The following JMJD1C variants were observed in gnomAD, a reference collection of about 807,000 sequenced individuals.
JMJD1C encodes jumonji domain-containing protein 1C.
A neutral mutation model predicts 245.3 loss-of-function variants in JMJD1C; 31 were observed. The observed-to-expected ratio is 0.13, with a 90% CI of 0.09 to 0.17. JMJD1C has a LOEUF of 0.17. JMJD1C is among the 10% of genes least tolerant of loss of function. The pLI, the probability that JMJD1C is intolerant of heterozygous loss-of-function variation, is 1.00. For synonymous variants in JMJD1C, 1,057 were observed against 1,017.4 expected, an observed-to-expected ratio of 1.04 and a Z score of -0.74; for missense variants, 2,691 against 3,000.2, an observed-to-expected ratio of 0.90 and a Z score of 2.41.
chr10:63,354,756 T>C (rs1425376008), intron 2 of JMJD1C, among the ~76,000 whole-genome samples: 5 of 151,500 alleles, frequency 3.3e-5, no homozygotes, highest in Non-Finnish European at 5.9e-5. Flanking sequence ...GGCTCATGCC[T>C]GTAATCCCAG....
chr10:63,206,636 G>C lies in JMJD1C; in HGVS notation c.5033C>G (p.Ala1678Gly). 1.3e-6 allele frequency: 2 copies of C among 1,598,732 alleles called. No homozygotes were observed. Among genetic ancestry groups the C allele is most frequent in the Non-Finnish European group, 1.7e-6 (2 of 1,175,652 alleles). The change falls in exon 10 of 26, where the codon GCC (alanine) becomes GGC (glycine). Residue 1678 changes from alanine (A) to glycine (G), a missense_variant. Transcript: ENST00000399262. Reference sequence around the variant, plus strand: ...CAACTTCAGTTTACTTCTTTCTTTGGCACTCCTGCTGAGAACTCCATTGGG... The same window carrying C: ...CAACTTCAGTTTACTTCTTTCTTTGCCACTCCTGCTGAGAACTCCATTGGG... ...LKPNGVLSRSAKERSKLKLQS... is the reference protein window; with the variant it reads ...LKPNGVLSRSGKERSKLKLQS...
At chr10:63,196,187 A>G (rs1208433667) in intron 13 of JMJD1C, among the ~76,000 whole-genome samples, 1 of 143,814 alleles carries the variant, frequency 7.0e-6, no homozygotes, top group East Asian at 2.2e-4. Context: ...TGAATCCAGG[A>G]GGCCAAGATT....
intron 2 of JMJD1C, among the ~76,000 whole-genome samples, chr10:63,379,308 TAAG>T (rs1016368407): frequency 2.0e-5 from 3 of 152,146 alleles, no homozygotes; most frequent in Non-Finnish European, 2.9e-5. Context: ...GATAGTAACA[TAAG>T]AAGAAAACTT....
At chr10:63,289,244 T>A (rs1435929018) in intron 2 of JMJD1C, among the ~76,000 whole-genome samples, 1 of 152,208 alleles carries the variant, frequency 6.6e-6, no homozygotes, top group Admixed American at 6.5e-5. Context: ...GTACTTCTAC[T>A]CAGTTCATTC....
chr10:63,174,323 A>C (rs1295673104), intron 24 of JMJD1C, among the ~76,000 whole-genome samples: 2 of 152,234 alleles, frequency 1.3e-5, no homozygotes, highest in Non-Finnish European at 2.9e-5. Flanking sequence ...GATTTAAAAA[A>C]TGAAAAAAAT....
chr10:63,272,136 A>C lies in JMJD1C; in HGVS notation c.334-7372T>G, dbSNP rs536046854. Among the ~76,000 whole-genome samples, 5 of 152,254 alleles carry C rather than the reference A, an allele frequency of 3.3e-5. No homozygotes were observed. In the South Asian group the frequency reaches 1.0e-3, roughly 32 times the overall value. Reference sequence around the variant, plus strand: ...GATATTTTCAATTTAGTATATGATGAACTTGCACTTATAAAAAGAATGAAA... The same window carrying C: ...GATATTTTCAATTTAGTATATGATGCACTTGCACTTATAAAAAGAATGAAA... On this transcript the variant is annotated intron_variant, in intron 2 of 25. Transcript: ENST00000399262.
chr10:63,294,953 G>T (rs918392991), intron 2 of JMJD1C, among the ~76,000 whole-genome samples: 7 of 152,012 alleles, frequency 4.6e-5, no homozygotes, highest in African/African-American at 1.7e-4. Flanking sequence ...GAACTAAATT[G>T]TTGCAGCCAG....
chr10:63,232,398 C>T (rs1460701300), intron 3 of JMJD1C, among the ~76,000 whole-genome samples: 1 of 152,070 alleles, frequency 6.6e-6, no homozygotes, highest in Non-Finnish European at 1.5e-5. Context: ...ACAATGACAA[C>T]ATAATTTACT....
chr10:63,223,030 AT>A (rs1036259212), intron 3 of JMJD1C: 3 of 1,306,492 alleles, frequency 2.3e-6, no homozygotes, highest in South Asian at 1.2e-5. Flanking sequence ...CTATTAAAGT[AT>A]TTTTTCCTGG....
chr10:63,494,011 A>C (rs1209961618), intron 1 of JMJD1C, among the ~76,000 whole-genome samples: 1 of 152,164 alleles, frequency 6.6e-6, no homozygotes, highest in African/African-American at 2.4e-5. Context: ...GACTCAGAAT[A>C]CTTTTCAAAG....
At chr10:63,279,717 C>A (rs1242560564) in intron 2 of JMJD1C, among the ~76,000 whole-genome samples, 2 of 152,206 alleles carry the variant, frequency 1.3e-5, no homozygotes, top group African/African-American at 4.8e-5. Context: ...GTTTGTGCCA[C>A]TGTACTACAG....
At chr10:63,311,094 G>C (rs1939122151) in intron 2 of JMJD1C, among the ~76,000 whole-genome samples, 1 of 152,004 alleles carries the variant, frequency 6.6e-6, no homozygotes, top group Non-Finnish European at 1.5e-5. Context: ...ATTCCGGCCG[G>C]GTGCAGTGGC....
chr10:63,477,212 A>AT (rs966500207), intron 1 of JMJD1C, among the ~76,000 whole-genome samples: 139 of 150,362 alleles, frequency 9.2e-4, no homozygotes, highest in African/African-American at 2.9e-3. Flanking sequence ...GATGGTATTA[A>AT]TTTTTTTTTT....
At chr10:63,464,409 T>C (rs1462476299) in intron 1 of JMJD1C, among the ~76,000 whole-genome samples, 1 of 151,698 alleles carries the variant, frequency 6.6e-6, no homozygotes, top group Non-Finnish European at 1.5e-5. Context: ...TACAATGAAT[T>C]TGGAATTGTA....
intron 1 of JMJD1C, among the ~76,000 whole-genome samples, chr10:63,517,979 G>C (rs1955075302): frequency 6.6e-6 from 1 of 152,040 alleles, no homozygotes; most frequent in African/African-American, 2.4e-5. Context: ...TTTTAGTAGA[G>C]ATGAGGTCTT....
intron 3 of JMJD1C, among the ~76,000 whole-genome samples, chr10:63,246,866 CTTAA>C (rs1852276416): frequency 6.6e-6 from 1 of 151,744 alleles, no homozygotes; most frequent in African/African-American, 2.4e-5. Context: ...AATAAAGAAA[CTTAA>C]TTAAATTTTT....
At chr10:63,287,001 A>C (rs770065609) in intron 2 of JMJD1C, among the ~76,000 whole-genome samples, 12 of 152,230 alleles carry the variant, frequency 7.9e-5, no homozygotes, top group Non-Finnish European at 1.8e-4. Flanking sequence ...TAATCATTCA[A>C]CAAAAAATTT....
chr10:63,421,097 G>A (rs890212007), intron 1 of JMJD1C, among the ~76,000 whole-genome samples: 3 of 152,286 alleles, frequency 2.0e-5, no homozygotes, highest in Admixed American at 2.0e-4. Context: ...CACAATGGGA[G>A]GCCAAGGCAG....
At chr10:63,425,712 GAGA>G (rs1414070860) in intron 1 of JMJD1C, among the ~76,000 whole-genome samples, 1 of 152,164 alleles carries the variant, frequency 6.6e-6, no homozygotes, top group Admixed American at 6.5e-5. Context: ...GGCCCAGGAG[GAGA>G]AGGTGGCAGT....
Sources: allele counts gnomAD v4.1 joint callset (sites outside exome capture counted in the v4.1 genomes callset), GRCh38; gene constraint gnomAD v4.1.1; transcripts MANE v1.5; gene names NCBI Gene and HGNC (gene_info 2026-07-23, HGNC 2026-07-21).